CDKN1C: variants seen among roughly 807,000 people sequenced by gnomAD.
CDKN1C encodes the protein cyclin-dependent kinase inhibitor 1C.
A neutral mutation model predicts 16.5 loss-of-function variants in CDKN1C; 7 were observed. The ratio of observed to expected loss-of-function variants is 0.42; its 90% confidence interval spans 0.24 to 0.80. The LOEUF (loss-of-function observed/expected upper bound fraction) is 0.80, where lower values mean the gene tolerates loss of function less well. CDKN1C is among the 30% of genes least tolerant of loss of function. The pLI is 0.26. For missense variants in CDKN1C, 429 were observed against 437.3 expected (o/e 0.98, Z 0.17); for synonymous variants, 288 against 214.4 (o/e 1.34, Z -3.00).
chr11:2,883,468 T>G lies in CDKN1C; in HGVS notation c.*453A>C. On this transcript the variant is annotated 3_prime_UTR_variant, in exon 4 of 4. Coordinates refer to ENST00000440480, the MANE Select transcript of CDKN1C (RefSeq NM_001122630.2). ...AAAGTTACACTTGTCAATAACCAGA[T>G]GTGGGAGATGGAGAGTGCCTTTGGC... 5.1e-6 allele frequency: 1 copy of G among 195,572 alleles called. No individual in the cohort carries two copies. The highest frequency in any genetic ancestry group is 1.0e-5 in the Non-Finnish European group (1 of 96,912). 12.1% of individuals were successfully genotyped at this position (195,572 alleles called of 1,614,324 possible).
chr11:2,884,333 G>T, intron 2 of CDKN1C, 199 bp from the exon 3 acceptor site: 2 of 232,330 alleles, frequency 8.6e-6, no homozygotes, highest in Non-Finnish European at 1.5e-5. Context: ...CCGCGGCCAA[G>T]CCCCCCGGGG....
rs1564928489 is a variant in CDKN1C, at chr11:2,883,980, C to G, written c.*5+19G>C. 1.9e-6 allele frequency: 3 copies of G among 1,562,310 alleles called. No individual in the cohort carries two copies. The highest frequency in any genetic ancestry group is 2.6e-6 in the Non-Finnish European group (3 of 1,154,178). The stretch of plus-strand genomic sequence containing the variant: ...CGGCGGGTCGGCCCTCCGCGCCCCC[C>G]CAGGTGCGCTGTACTCACTTGGCTC... On this transcript the variant is annotated intron_variant, in intron 3 of 3. Coordinates refer to ENST00000440480, the MANE Select transcript of CDKN1C (RefSeq NM_001122630.2).
Position 2,884,911 on chromosome 11 carries a change from A to G in CDKN1C, c.546T>C (p.Ala182=), listed in dbSNP as rs1412788622. The G allele has an allele frequency of 1.5e-5, 12 of 803,674 alleles. 1 individual carries two copies. The highest frequency in any genetic ancestry group is 9.9e-5 in the East Asian group (1 of 10,116). 49.8% of individuals were successfully genotyped at this position (803,674 alleles called of 1,614,324 possible). Reference sequence around the variant, plus strand: ...GGGCTGGGGCCGGGGCCGCGACTGGAGCCGGGGCCGGAGCCGGAGCCGGAG... The same window carrying G: ...GGGCTGGGGCCGGGGCCGCGACTGGGGCCGGGGCCGGAGCCGGAGCCGGAG... The part of the protein sequence containing the change: ...APAPAPAPAP[A]PVAAPAPAPA... The change falls in exon 2 of 4, where the codon GCT becomes GCC. Residue 182 remains alanine, a synonymous_variant. Coordinates refer to ENST00000440480, the MANE Select transcript of CDKN1C (RefSeq NM_001122630.2).
In CDKN1C at chr11:2,884,918, G is replaced by A. The variant is rs2133783718; in HGVS notation, c.539C>T (p.Ala180Val). ...GGCCGGGGCCGCGACTGGAGCCGGG[G>A]CCGGAGCCGGAGCCGGAGCCGGGGC... Reference protein sequence around the residue: ...APAPAPAPAPAPAPVAAPAPA... With the variant: ...APAPAPAPAPVPAPVAAPAPA... Residue 180 changes from alanine to valine, a missense_variant, in exon 2 of 4, where the codon GCC (alanine) becomes GTC (valine). Coordinates refer to ENST00000440480, the MANE Select transcript of CDKN1C (RefSeq NM_001122630.2). 1.2e-6 allele frequency: 1 copy of A among 822,582 alleles called. No homozygotes were observed. The highest frequency in any genetic ancestry group is 1.5e-6 in the Non-Finnish European group (1 of 669,314). 51.0% of individuals were successfully genotyped at this position (822,582 alleles called of 1,614,324 possible).
intron 2 of CDKN1C, 37 bp from the exon 3 acceptor site, chr11:2,884,171 G>C (rs1848886467): frequency 7.4e-7 from 1 of 1,352,122 alleles, no homozygotes; most frequent in Non-Finnish European, 9.6e-7. Context: ...TCAGGGCGGG[G>C]CCGGCCCGGA....
rs1360965916 is a variant in CDKN1C, at chr11:2,885,412, G to A, written c.45C>T (p.Arg15=). 9.0e-6 allele frequency: 14 copies of A among 1,553,524 alleles called. No individual in the cohort carries two copies. The Admixed American group carries it at 1.9e-4, about 21-fold the overall frequency. The change falls in exon 2 of 4, where the codon CGC becomes CGT. Residue 15 remains arginine, a synonymous_variant. Coordinates refer to ENST00000440480, the MANE Select transcript of CDKN1C (RefSeq NM_001122630.2). ...CGAAGAGGCTGCGGCAGGCGCTGGT[G>A]CGCACTAGTACTGGGAAGGTCCCAC... ...VARGTFPVLV[R]TSACRSLFGP...
In CDKN1C at chr11:2,883,578, C is replaced by T. The variant is rs1848852590; in HGVS notation, c.*343G>A. The stretch of plus-strand genomic sequence containing the variant: ...ATATAAGTTAGTATAACTTTAAAAA[C>T]TTTTTGTACAAATATACATGGTTTT... On this transcript the variant is annotated 3_prime_UTR_variant, in exon 4 of 4. Transcript: ENST00000440480. The T allele has an allele frequency of 4.2e-6, 2 of 478,770 alleles. No individual in the cohort carries two copies. The highest frequency in any genetic ancestry group is 1.2e-4 in the South Asian group (2 of 16,632). 29.7% of individuals were successfully genotyped at this position (478,770 alleles called of 1,614,324 possible). A position where few individuals can be genotyped will look rare whatever the true frequency, so the allele number is the denominator to read the frequency against.
Position 2,883,691 on chromosome 11 carries a change from G to A in CDKN1C, c.*230C>T. ...ACATTTTATATAAATGACTCTTAAA[G>A]CTTTACACCTTGGGACCAGTGTACC... On this transcript the variant is annotated 3_prime_UTR_variant, in exon 4 of 4. Transcript: ENST00000440480. 1.9e-6 allele frequency: 2 copies of A among 1,031,672 alleles called. No homozygotes were observed. The highest frequency in any genetic ancestry group is 2.6e-6 in the Non-Finnish European group (2 of 772,552). The allele number at this position is 1,031,672 out of a possible 1,614,324, so 63.9% of individuals were successfully genotyped here. A position where few individuals can be genotyped will look rare whatever the true frequency, so the allele number is the denominator to read the frequency against.
chr11:2,884,814 G>C lies in CDKN1C; in HGVS notation c.643C>G (p.Gln215Glu), dbSNP rs483352987. Residue 215 changes from glutamine to glutamate, a missense_variant, in exon 2 of 4, where the codon CAG becomes GAG. By Grantham distance (29) the Gln-to-Glu change is conservative (BLOSUM62 2). Transcript: ENST00000440480. Reference protein sequence around the residue: ...PDAAPQESAEQGANQGQRGQE... With the variant: ...PDAAPQESAEEGANQGQRGQE... The stretch of plus-strand genomic sequence containing the variant: ...CCGCGCTGCCCCTGGTTCGCGCCCT[G>C]CTCGGCGCTCTCTTGAGGCGCCGCG... The C allele has an allele frequency of 4.6e-5, 65 of 1,408,924 alleles. 1 individual carries two copies. In the South Asian group the frequency reaches 8.7e-4, roughly 19 times the overall value. 87.3% of individuals were successfully genotyped at this position (1,408,924 alleles called of 1,614,324 possible). A position where few individuals can be genotyped will look rare whatever the true frequency, so the allele number is the denominator to read the frequency against.
rs2133782422 is a variant in CDKN1C at position 2,884,770 on chromosome 11, G to C, written c.687C>G (p.Asp229Glu). The change falls in exon 2 of 4, where the codon GAC (aspartate) becomes GAG (glutamate). Residue 229 changes from aspartate (D) to glutamate (E), a missense_variant. Transcript: ENST00000440480. ...GTCCCGAAATCCCCGAGTGCAGCTG[G>C]TCAGCGAGAGGCTCCTGGCCGCGCT... ...QGQRGQEPLA[D>E]QLHSGISGRP... 6.6e-7 allele frequency: 1 copy of C among 1,507,988 alleles called. No individual in the cohort carries two copies. The highest frequency in any genetic ancestry group is 8.8e-7 in the Non-Finnish European group (1 of 1,131,244). The allele number at this position is 1,507,988 out of a possible 1,614,324, so 93.4% of individuals were successfully genotyped here.
intron 1 of CDKN1C, 73 bp downstream of exon 1, chr11:2,885,561 A>G: frequency 6.6e-7 from 1 of 1,518,844 alleles, no homozygotes; most frequent in Non-Finnish European, 8.8e-7. Flanking sequence ...GGAGAGGAGG[A>G]GAGGGCGGAG....
chr11:2,885,610 G>A lies in CDKN1C; in HGVS notation c.-11+24C>T, dbSNP rs562886157. On this transcript the variant is annotated intron_variant, in intron 1 of 3. Coordinates refer to ENST00000440480, the MANE Select transcript of CDKN1C (RefSeq NM_001122630.2). ...GAGACCCCGCGCCGCCCGACTCTGC[G>A]TGTGCGAGGGACGCGGCGGCTACCT... 2.0e-5 allele frequency: 25 copies of A among 1,252,166 alleles called. 1 individual carries two copies. In the South Asian group the frequency reaches 3.2e-4, roughly 16 times the overall value. 77.6% of individuals were successfully genotyped at this position (1,252,166 alleles called of 1,614,324 possible).
chr11:2,884,720 G>T lies in CDKN1C; in HGVS notation c.737C>A (p.Ala246Asp). The T allele has an allele frequency of 6.6e-7, 1 of 1,505,050 alleles. No individual in the cohort carries two copies. Among genetic ancestry groups the T allele is most frequent in the Non-Finnish European group, 8.8e-7 (1 of 1,131,130 alleles). The allele number at this position is 1,505,050 out of a possible 1,614,324, so 93.2% of individuals were successfully genotyped here. The change falls in exon 2 of 4, where the codon GCC (alanine) becomes GAC (aspartate). Residue 246 changes from alanine to aspartate, a missense_variant. Transcript: ENST00000440480. ...CTTGATCGCCGCGCCGTTGGCGCTG[G>T]CGGCCGCGGTGCCGGCCGCGGGACG... ...SGRPAAGTAA[A>D]SANGAAIKKL...
In CDKN1C at chr11:2,884,898, GGGCCGCGA is replaced by G; in HGVS notation, c.551_558del (p.Val184AlafsTer43). 1.1e-6 allele frequency: 1 copy of G among 882,012 alleles called. No individual in the cohort carries two copies. Among genetic ancestry groups the G allele is most frequent in the Non-Finnish European group, 1.4e-6 (1 of 727,998 alleles). The allele number at this position is 882,012 out of a possible 1,614,324, so 54.6% of individuals were successfully genotyped here. A position where few individuals can be genotyped will look rare whatever the true frequency, so the allele number is the denominator to read the frequency against. On this transcript the variant is annotated frameshift_variant, in exon 2 of 4. Coordinates refer to ENST00000440480, the MANE Select transcript of CDKN1C (RefSeq NM_001122630.2). LOFTEE classifies it high-confidence loss of function. ...GGGGCCGGGGCCGGGGCTGGGGCCG[GGGCCGCGA>G]CTGGAGCCGGGGCCGGAGCCGGAGC... is the stretch of plus-strand genomic sequence containing the variant.
Position 2,885,460 on chromosome 11 carries a change from G to A in CDKN1C, c.-4C>T. ...CACGGGCGACAAGACGCTCCATCGT[G>A]GATGTGCTGCGGAGGGACGCGTCGG... On this transcript the variant is annotated 5_prime_UTR_variant, in exon 2 of 4. Coordinates refer to ENST00000440480, the MANE Select transcript of CDKN1C (RefSeq NM_001122630.2). The A allele has an allele frequency of 1.3e-6, 2 of 1,545,974 alleles. No homozygotes were observed. The highest frequency in any genetic ancestry group is 1.7e-6 in the Non-Finnish European group (2 of 1,147,498).
At position 2,885,738 on chromosome 11, in the gene CDKN1C, G is replaced by T. The variant is rs868383389; in HGVS notation, c.-115C>A. 1 of 588,560 alleles carries T rather than the reference G, an allele frequency of 1.7e-6. No homozygotes were observed. Among genetic ancestry groups the T allele is most frequent in the African/African-American group, 1.9e-5 (1 of 53,054 alleles). 36.5% of individuals were successfully genotyped at this position (588,560 alleles called of 1,614,324 possible). ...CTGGCTAGCTCGCTCGCTCAGGCCT[G>T]GCCGGCACCCCTCGAGCACAGCGCA... On this transcript the variant is annotated 5_prime_UTR_variant, in exon 1 of 4. Transcript: ENST00000440480.
chr11:2,883,919 C>CCCAAA lies in CDKN1C; in HGVS notation c.*6-5_*6-4insTTTGG. ...TCGGGGCTCTTTGGGCTCTAAACTG[C>CCCAAA]GAGGAGAGGGGCGGTCAGCAAAGCC... is the stretch of plus-strand genomic sequence containing the variant. On this transcript the variant is annotated splice_polypyrimidine_tract_variant and splice_region_variant and intron_variant, in intron 3 of 3. Transcript: ENST00000440480. The CCCAAA allele has an allele frequency of 6.3e-7, 1 of 1,589,636 alleles. No individual in the cohort carries two copies. Among genetic ancestry groups the CCCAAA allele is most frequent in the Non-Finnish European group, 8.6e-7 (1 of 1,168,890 alleles).
Position 2,885,306 on chromosome 11 carries a change from C to T in CDKN1C, c.151G>A (p.Asp51Asn). The T allele has an allele frequency of 1.3e-6, 2 of 1,598,738 alleles. No individual in the cohort carries two copies. Among genetic ancestry groups the T allele is most frequent in the Non-Finnish European group, 1.7e-6 (2 of 1,174,138 alleles). The change falls in exon 2 of 4, where the codon GAT becomes AAT. Residue 51 changes from aspartate (D) to asparagine (N), a missense_variant. Asp to Asn is a conservative substitution (Grantham distance 23). Coordinates refer to ENST00000440480, the MANE Select transcript of CDKN1C (RefSeq NM_001122630.2). ...ELNAEDQNRW[D>N]YDFQQDMPLR... Reference sequence around the variant, plus strand: ...GGCATGTCCTGCTGGAAGTCGTAATCCCAGCGGTTCTGGTCCTCGGCGTTC... The same window carrying T: ...GGCATGTCCTGCTGGAAGTCGTAATTCCAGCGGTTCTGGTCCTCGGCGTTC...
In CDKN1C at chr11:2,884,923, AGCCGGAGCCGGAGCCGGGGCCGGG is replaced by A. The variant is rs1486933065; in HGVS notation, c.510_533del (p.Ala176_Pro183del). On this transcript the variant is annotated inframe_deletion, in exon 2 of 4. Coordinates refer to ENST00000440480, the MANE Select transcript of CDKN1C (RefSeq NM_001122630.2). ...GGGCCGCGACTGGAGCCGGGGCCGG[AGCCGGAGCCGGAGCCGGGGCCGGG>A]GCCGGGGCCAGGACCGCGACCGCGA... The A allele has an allele frequency of 9.9e-6, 8 of 808,406 alleles. No individual in the cohort carries two copies. The highest frequency in any genetic ancestry group is 5.8e-5 in the South Asian group (1 of 17,276). The allele number at this position is 808,406 out of a possible 1,614,324, so 50.1% of individuals were successfully genotyped here. A position where few individuals can be genotyped will look rare whatever the true frequency, so the allele number is the denominator to read the frequency against.
Sources: allele counts gnomAD v4.1 joint callset, GRCh38; gene constraint gnomAD v4.1.1; transcripts MANE v1.5; gene names NCBI Gene and HGNC (gene_info 2026-07-23, HGNC 2026-07-21).